Variants in NREP observed in about 807,000 individuals in gnomAD.
The protein encoded by NREP is neuronal regeneration-related protein.
NREP carries 5 observed loss-of-function variants against 8.6 expected under a neutral mutation model. That is an observed-to-expected ratio of 0.58 (90% CI 0.30 to 1.22). The LOEUF (loss-of-function observed/expected upper bound fraction) is 1.22, where lower values mean the gene tolerates loss of function less well. NREP is among the 50% of genes most tolerant of loss of function. The pLI, the probability that NREP is intolerant of heterozygous loss-of-function variation, is 0.07. For missense variants in NREP, 86 were observed against 82.5 expected (o/e 1.04, Z -0.17); for synonymous variants, 27 against 28.0 (o/e 0.96, Z 0.11).
At chr5:111,875,180 C>T (rs1753875344) in intron 2 of NREP, among the ~76,000 whole-genome samples, 2 of 152,166 alleles carry the variant, frequency 1.3e-5, no homozygotes, top group South Asian at 4.2e-4. Context: ...TATTTTGTGA[C>T]TTTATTTACT....
chr5:111,907,126 C>T (rs533841226), intron 2 of NREP, among the ~76,000 whole-genome samples: 52 of 152,136 alleles, frequency 3.4e-4, no homozygotes, highest in Non-Finnish European at 6.2e-4. Context: ...AATATTTTCT[C>T]CTAGCCTGTG....
intron 2 of NREP, among the ~76,000 whole-genome samples, chr5:111,958,210 T>G (rs1289168602): frequency 6.6e-6 from 1 of 151,926 alleles, no homozygotes; most frequent in Non-Finnish European, 1.5e-5. Context: ...ATATCTATAC[T>G]CTTAAATTGT....
intron 1 of NREP, chr5:111,975,525 C>T (rs776754644): frequency 4.9e-6 from 3 of 612,136 alleles, no homozygotes; most frequent in Non-Finnish European, 8.7e-6. Context: ...GGTATAGGAT[C>T]AGTTTATTTC....
At chr5:111,937,109 G>A (rs897576746) in intron 2 of NREP, among the ~76,000 whole-genome samples, 3 of 152,114 alleles carry the variant, frequency 2.0e-5, no homozygotes, top group Non-Finnish European at 4.4e-5. Flanking sequence ...TTCACCTTCA[G>A]AGGAGAGGGA....
intron 2 of NREP, among the ~76,000 whole-genome samples, chr5:111,801,962 C>T (rs568943513): frequency 6.6e-6 from 1 of 152,170 alleles, no homozygotes; most frequent in Admixed American, 6.5e-5. Context: ...CTGCAAATGA[C>T]ATAGGCAGCT....
chr5:111,851,738 A>G (rs2112468678), intron 2 of NREP, among the ~76,000 whole-genome samples: 1 of 152,274 alleles, frequency 6.6e-6, no homozygotes, highest in East Asian at 1.9e-4. Flanking sequence ...TAGTTAATAT[A>G]TTGTATTCTT....
intron 2 of NREP, among the ~76,000 whole-genome samples, chr5:111,817,674 G>A (rs796232574): frequency 1.6e-4 from 24 of 151,242 alleles, no homozygotes; most frequent in African/African-American, 5.3e-4. Context: ...GCGTAGTGGC[G>A]GGCGCCTGTA....
chr5:111,870,938 T>C (rs1481713654), intron 2 of NREP, among the ~76,000 whole-genome samples: 1 of 152,162 alleles, frequency 6.6e-6, no homozygotes, highest in Admixed American at 6.5e-5. Flanking sequence ...GTGTAAATTT[T>C]TAAAAGTACT....
At chr5:111,975,279 T>G in exon 2 of NREP, 1 of 1,550,344 alleles carries the variant, frequency 6.5e-7, no homozygotes, top group Non-Finnish European at 8.7e-7. Context: ...CTTACACAAT[T>G]CAGAACAGAA....
chr5:111,924,458 GAA>G (rs34192417), intron 2 of NREP, among the ~76,000 whole-genome samples: 13 of 147,042 alleles, frequency 8.8e-5, no homozygotes, highest in South Asian at 4.3e-4. Flanking sequence ...AGTGGTATGA[GAA>G]AAAAAAAAAA....
chr5:111,810,581 A>T (rs1752247501), intron 2 of NREP, among the ~76,000 whole-genome samples: 1 of 152,220 alleles, frequency 6.6e-6, no homozygotes, highest in Admixed American at 6.5e-5. Flanking sequence ...TGCCTTCATA[A>T]AGCAGTAAAG....
chr5:111,801,333 G>C (rs1752001268), intron 2 of NREP, among the ~76,000 whole-genome samples: 1 of 152,168 alleles, frequency 6.6e-6, no homozygotes, highest in South Asian at 2.1e-4. Context: ...GGGGTGCAGA[G>C]AGGCCACACT....
intron 2 of NREP, among the ~76,000 whole-genome samples, chr5:111,829,825 A>G (rs1397444323): frequency 1.3e-5 from 2 of 152,068 alleles, no homozygotes; most frequent in African/African-American, 4.8e-5. Context: ...AGCTTTTTAA[A>G]CTCAATGACT....
intron 2 of NREP, among the ~76,000 whole-genome samples, chr5:111,788,006 T>C (rs1046305417): frequency 6.6e-6 from 1 of 151,962 alleles, no homozygotes; most frequent in Non-Finnish European, 1.5e-5. Context: ...GCTGGGAGGA[T>C]TGTTTGAGCC....
chr5:111,754,984 G>A (rs1750609351), intron 2 of NREP, among the ~76,000 whole-genome samples: 1 of 152,110 alleles, frequency 6.6e-6, no homozygotes, highest in Non-Finnish European at 1.5e-5. Context: ...AGTAGGACAC[G>A]CTGTACTTCA....
chr5:111,877,912 C>T (rs967099540), intron 2 of NREP, among the ~76,000 whole-genome samples: 4 of 152,216 alleles, frequency 2.6e-5, no homozygotes, highest in Non-Finnish European at 5.9e-5. Flanking sequence ...ATGGCATCCC[C>T]AGCTACAGCT....
chr5:111,817,779 T>A (rs1423253824), intron 2 of NREP, among the ~76,000 whole-genome samples: 1 of 122,424 alleles, frequency 8.2e-6, no homozygotes, highest in Non-Finnish European at 1.6e-5. Flanking sequence ...CACTCCAGCC[T>A]GGGCAACAGA....
intron 2 of NREP, among the ~76,000 whole-genome samples, chr5:111,805,129 T>A (rs922995706): frequency 6.6e-6 from 1 of 152,144 alleles, no homozygotes; most frequent in Admixed American, 6.5e-5. Flanking sequence ...GATGATAAGG[T>A]AAATAAAGCT....
Position 111,730,760 on chromosome 5 carries a change from G to A in NREP, c.*161C>T, listed in dbSNP as rs1049154159. The A allele has an allele frequency of 3.9e-6, 3 of 767,462 alleles. No individual in the cohort carries two copies. Among genetic ancestry groups the A allele is most frequent in the East Asian group, 2.6e-5 (1 of 38,720 alleles). 47.5% of individuals were successfully genotyped at this position (767,462 alleles called of 1,614,324 possible). On this transcript the variant is annotated 3_prime_UTR_variant, in exon 4 of 4. Coordinates refer to ENST00000257435, the MANE Select transcript of NREP (RefSeq NM_004772.4). ...AGTCAGAATGATTAAAAACTGGTTT[G>A]ATGACACCTATTTGTCCACTGTAAA...
Sources: allele counts gnomAD v4.1 joint callset (sites outside exome capture counted in the v4.1 genomes callset), GRCh38; gene constraint gnomAD v4.1.1; transcripts MANE v1.5; gene names NCBI Gene and HGNC (gene_info 2026-07-23, HGNC 2026-07-21).